The following IGFL2 variants were observed in gnomAD, a reference collection of about 807,000 sequenced individuals.
IGFL2 encodes insulin growth factor-like family member 2.
In IGFL2, 7 loss-of-function variants were observed where a neutral mutation model predicts 13.9. The ratio of observed to expected loss-of-function variants is 0.51; its 90% confidence interval spans 0.29 to 0.95. The LOEUF (loss-of-function observed/expected upper bound fraction) is 0.95. Among genes scored for constraint, IGFL2 ranks in the 40% least tolerant of loss-of-function variants. IGFL2 has a pLI of 0.08. For missense variants in IGFL2, 138 were observed against 147.8 expected (o/e 0.93, Z 0.34); for synonymous variants, 55 against 55.8 (o/e 0.99, Z 0.07).
upstream of IGFL2, among the ~76,000 whole-genome samples, chr19:46,139,230 C>T (rs577307023): frequency 1.5e-4 from 23 of 151,408 alleles, no homozygotes; most frequent in East Asian, 3.9e-4. Context: ...GCCTTCCTTT[C>T]GAAGATCTGC....
At chr19:46,139,845 A>G (rs181747049), upstream of IGFL2, among the ~76,000 whole-genome samples, 2 of 151,452 alleles carry the variant, frequency 1.3e-5, no homozygotes, top group South Asian at 2.1e-4. Context: ...ATATATATTT[A>G]TATGTGTGTA....
rs577377331 is a variant in IGFL2 at position 46,158,425 on chromosome 19, G to A, written c.20-1990G>A. Among the ~76,000 whole-genome samples, 129 of 151,990 alleles carry A rather than the reference G, an allele frequency of 8.5e-4. 2 individuals are homozygous for A. In the Middle Eastern group the frequency reaches 0.017, roughly 20 times the overall value. On this transcript the variant is annotated intron_variant, in intron 1 of 3. Transcript: ENST00000377693. ...GGGGTTTCACCCTGTTAGCCAGGAC[G>A]GTCTTGATCTCCTGACCTCGTGATC...
At chr19:46,124,099 T>C in the IGFL2 span, 1 of 1,611,532 alleles carries the variant, frequency 6.2e-7, no homozygotes, top group East Asian at 2.3e-5. Context: ...GTTGTAGATC[T>C]TGTTCCCACA....
At chr19:46,209,976 C>A in the IGFL2 span, 1 of 151,634 alleles carries the variant, frequency 6.6e-6, no homozygotes, top group Non-Finnish European at 1.5e-5. Context: ...AACGCATATA[C>A]TTAATTGTGG....
At chr19:46,104,774 G>A in the IGFL2 span, among the ~76,000 whole-genome samples, 1 of 152,196 alleles carries the variant, frequency 6.6e-6, no homozygotes, top group East Asian at 1.9e-4. Flanking sequence ...AGATTTCCAC[G>A]ATGGAAAGGA....
chr19:46,130,045 T>G, the IGFL2 span, among the ~76,000 whole-genome samples: 1 of 151,912 alleles, frequency 6.6e-6, no homozygotes, highest in Non-Finnish European at 1.5e-5. Flanking sequence ...TGGGTGCTCT[T>G]GTGTTGGGTG....
chr19:46,154,044 G>A (rs1394668532), intron 1 of IGFL2, among the ~76,000 whole-genome samples: 1 of 151,906 alleles, frequency 6.6e-6, no homozygotes, highest in African/African-American at 2.4e-5. Flanking sequence ...GTGTCCATGT[G>A]TTCTCACAGT....
At chr19:46,145,598 A>ATGTGTGTGTGTGTGTG (rs765380139), upstream of IGFL2, among the ~76,000 whole-genome samples, 65 of 138,458 alleles carry the variant, frequency 4.7e-4, no homozygotes, top group African/African-American at 1.7e-3. Context: ...ACACTCATAT[A>ATGTGTGTGTGTGTGTG]TATGTGTGTG....
At chr19:46,176,412 A>G in the IGFL2 span, among the ~76,000 whole-genome samples, 1 of 152,184 alleles carries the variant, frequency 6.6e-6, no homozygotes, top group African/African-American at 2.4e-5. Flanking sequence ...ACACACTGAG[A>G]GCTGGAGATG....
At chr19:46,080,726 A>C in the IGFL2 span, among the ~76,000 whole-genome samples, 2,050 of 152,322 alleles carry the variant, frequency 0.013, 31 homozygotes, top group Middle Eastern at 0.027. Flanking sequence ...CTGTCAGGAA[A>C]GAGTCAGACA....
At chr19:46,142,477 G>A (rs1271812852), upstream of IGFL2, among the ~76,000 whole-genome samples, 6 of 152,174 alleles carry the variant, frequency 3.9e-5, no homozygotes, top group Admixed American at 3.9e-4. Context: ...ATGGGTATCT[G>A]AAGTAAGAAA....
the IGFL2 span, among the ~76,000 whole-genome samples, chr19:46,081,473 T>C: frequency 6.6e-6 from 1 of 152,218 alleles, no homozygotes; most frequent in African/African-American, 2.4e-5. Flanking sequence ...TCGTGTCCGC[T>C]TTCTGGTCTA....
At chr19:46,149,646 G>T (rs554549402) in intron 1 of IGFL2, among the ~76,000 whole-genome samples, 13 of 151,716 alleles carry the variant, frequency 8.6e-5, no homozygotes, top group Admixed American at 8.6e-4. Flanking sequence ...GTGACCTTTC[G>T]TGTAACTTTT....
the IGFL2 span, chr19:46,124,574 G>A: frequency 1.9e-5 from 29 of 1,530,770 alleles, no homozygotes; most frequent in Non-Finnish European, 2.6e-5. Flanking sequence ...AGGTTTGGGA[G>A]CTGCACTGGG....
the IGFL2 span, among the ~76,000 whole-genome samples, chr19:46,199,584 C>T: frequency 8.5e-5 from 13 of 152,348 alleles, no homozygotes; most frequent in African/African-American, 3.1e-4. Context: ...CATGATCTCC[C>T]TCCACTGTCT....
At chr19:46,108,024 C>T in the IGFL2 span, among the ~76,000 whole-genome samples, 66,429 of 151,602 alleles carry the variant, frequency 0.44, 16,250 homozygotes, top group Non-Finnish European at 0.57. Flanking sequence ...GGGCTAGTTG[C>T]GGTACAAAAC....
chr19:46,149,149 T>C (rs1316074414), intron 1 of IGFL2: 2 of 217,524 alleles, frequency 9.2e-6, no homozygotes, highest in East Asian at 5.6e-5. Flanking sequence ...TCTCTCTCTC[T>C]CCCTCTCTCT....
the IGFL2 span, among the ~76,000 whole-genome samples, chr19:46,205,213 A>G: frequency 6.6e-6 from 1 of 152,176 alleles, no homozygotes; most frequent in Non-Finnish European, 1.5e-5. Flanking sequence ...GCACCCTCCA[A>G]ATCATATACT....
chr19:46,199,577 G>C, the IGFL2 span, among the ~76,000 whole-genome samples: 2 of 152,316 alleles, frequency 1.3e-5, no homozygotes, highest in South Asian at 4.1e-4. Context: ...GCGCTGTCAT[G>C]ATCTCCCTCC....
Sources: allele counts gnomAD v4.1 joint callset (sites outside exome capture counted in the v4.1 genomes callset), GRCh38; gene constraint gnomAD v4.1.1; transcripts MANE v1.5; gene names NCBI Gene and HGNC (gene_info 2026-07-23, HGNC 2026-07-21).